The following FRRS1 variants were observed in gnomAD, a reference collection of about 807,000 sequenced individuals.
FRRS1 encodes ferric reductase 1.
Under a neutral mutation model 70.7 loss-of-function variants are expected in FRRS1, and 51 were observed. That is an observed-to-expected ratio of 0.72 (90% confidence interval 0.58 to 0.91). The LOEUF is 0.91. Among genes scored for constraint, FRRS1 ranks in the 40% least tolerant of loss-of-function variants. FRRS1 has a pLI of 0.00. For synonymous variants in FRRS1, 225 were observed against 238.7 expected, an observed-to-expected ratio of 0.94 and a Z score of 0.53; for missense variants, 672 against 726.0, an observed-to-expected ratio of 0.93 and a Z score of 0.86.
At chr1:99,713,192 C>G (rs922550125) in intron 12 of FRRS1, among the ~76,000 whole-genome samples, 2 of 152,176 alleles carry the variant, frequency 1.3e-5, no homozygotes, top group Non-Finnish European at 2.9e-5. Context: ...TACTATACCA[C>G]CCCCATTTTA....
chr1:99,724,011 A>C (rs1409991593), intron 9 of FRRS1, among the ~76,000 whole-genome samples: 1 of 152,252 alleles, frequency 6.6e-6, no homozygotes, highest in East Asian at 1.9e-4. Flanking sequence ...GCACTGGGAA[A>C]GCAAAAATCT....
intron 9 of FRRS1, among the ~76,000 whole-genome samples, chr1:99,719,997 A>T (rs1488667360): frequency 1.3e-5 from 2 of 152,218 alleles, no homozygotes; most frequent in Non-Finnish European, 2.9e-5. Context: ...TGTTAAAAAA[A>T]ATATTGAAAG....
chr1:99,727,368 A>G (rs2100934137), intron 9 of FRRS1, among the ~76,000 whole-genome samples: 2 of 152,354 alleles, frequency 1.3e-5, no homozygotes, highest in South Asian at 4.1e-4. Context: ...TGCAAACAAG[A>G]GCAAATGATT....
chr1:99,720,907 T>C (rs1654786978), intron 9 of FRRS1, among the ~76,000 whole-genome samples: 1 of 149,164 alleles, frequency 6.7e-6, no homozygotes. Context: ...TCAAGGTGCA[T>C]TTAAAGTAAC....
At chr1:99,747,050 T>C (rs1315448353) in intron 4 of FRRS1, among the ~76,000 whole-genome samples, 4 of 152,220 alleles carry the variant, frequency 2.6e-5, no homozygotes, top group Admixed American at 6.5e-5. Context: ...TTCTCTTATT[T>C]TCTTAATAAG....
intron 9 of FRRS1, 102 bp downstream of exon 9, chr1:99,728,391 C>T (rs1488272873): frequency 2.0e-6 from 2 of 984,730 alleles, no homozygotes; most frequent in East Asian, 4.9e-5. Flanking sequence ...AAAGCGTGTG[C>T]CTTAAAAACG....
chr1:99,766,270 A>C (rs1657347439), intron 1 of FRRS1, among the ~76,000 whole-genome samples: 1 of 152,092 alleles, frequency 6.6e-6, no homozygotes. Context: ...GAGTTCCTAC[A>C]GTTTTAAATT....
At chr1:99,739,775 CTG>C (rs1655862475) in intron 6 of FRRS1, among the ~76,000 whole-genome samples, 1 of 152,138 alleles carries the variant, frequency 6.6e-6, no homozygotes, top group African/African-American at 2.4e-5. Context: ...GGTGAGGAAA[CTG>C]AGACTGAAAA....
chr1:99,748,550 A>G, intron 3 of FRRS1, 23 bp downstream of exon 3: 1 of 1,575,718 alleles, frequency 6.3e-7, no homozygotes, highest in Non-Finnish European at 8.7e-7. Flanking sequence ...CCAAAATGTA[A>G]ACAGTTAATC....
intron 1 of FRRS1, among the ~76,000 whole-genome samples, chr1:99,753,863 G>A (rs1326110234): frequency 5.9e-5 from 9 of 152,060 alleles, no homozygotes; most frequent in African/African-American, 1.9e-4. Context: ...AGTGGATCAG[G>A]AAACAGACCC....
chr1:99,733,782 G>A (rs1253394536), intron 7 of FRRS1, among the ~76,000 whole-genome samples: 1 of 152,180 alleles, frequency 6.6e-6, no homozygotes, highest in Non-Finnish European at 1.5e-5. Context: ...TGATTCATAG[G>A]AGAAACATCA....
At chr1:99,743,864 T>G (rs1271219868) in intron 4 of FRRS1, among the ~76,000 whole-genome samples, 1 of 152,124 alleles carries the variant, frequency 6.6e-6, no homozygotes, top group East Asian at 1.9e-4. Context: ...TCGTGTTTTG[T>G]GCACTACTGT....
intron 1 of FRRS1, among the ~76,000 whole-genome samples, chr1:99,764,053 G>A (rs1657240299): frequency 6.6e-6 from 1 of 152,106 alleles, no homozygotes; most frequent in Admixed American, 6.5e-5. Flanking sequence ...AGAGTAAACA[G>A]ATAACAAATA....
At chr1:99,734,091 T>TATAAAAATTTATAAAA (rs1655530025) in intron 7 of FRRS1, among the ~76,000 whole-genome samples, 1 of 152,190 alleles carries the variant, frequency 6.6e-6, no homozygotes, top group South Asian at 2.1e-4. Flanking sequence ...GGCCTGAATT[T>TATAAAAATTTATAAAA]AATTTATAAA....
intron 1 of FRRS1, among the ~76,000 whole-genome samples, chr1:99,756,294 A>G (rs1656832174): frequency 6.6e-6 from 1 of 152,192 alleles, no homozygotes; most frequent in Non-Finnish European, 1.5e-5. Flanking sequence ...AAACCAAAAG[A>G]GCAGTTATCC....
At chr1:99,754,666 T>C (rs1470829232) in intron 1 of FRRS1, among the ~76,000 whole-genome samples, 1 of 152,214 alleles carries the variant, frequency 6.6e-6, no homozygotes, top group Admixed American at 6.5e-5. Flanking sequence ...ACATGGAATG[T>C]TCACCAAGAT....
chr1:99,704,025 T>C lies in FRRS1; in HGVS notation c.*5003A>G, dbSNP rs938054124. Among the ~76,000 whole-genome samples, 3 of 152,188 alleles carry C rather than the reference T, an allele frequency of 2.0e-5. No individual in the cohort carries two copies. The highest frequency in any genetic ancestry group is 7.2e-5 in the African/African-American group (3 of 41,442). ...ATGTTTTCAAGATGAATATCAAATA[T>C]TTTTTATAAAAAGTATACATTTTAC... is the stretch of plus-strand genomic sequence containing the variant. On this transcript the variant is annotated 3_prime_UTR_variant, in exon 17 of 17. Coordinates refer to ENST00000646001, the MANE Select transcript of FRRS1 (RefSeq NM_001361041.2).
chr1:99,728,292 A>AT (rs1215355738), intron 9 of FRRS1, among the ~76,000 whole-genome samples: 1 of 152,190 alleles, frequency 6.6e-6, no homozygotes, highest in African/African-American at 2.4e-5. Flanking sequence ...GTGTTGCCTT[A>AT]TAACACAAGG....
rs772842144 is a variant in FRRS1 at position 99,710,950 on chromosome 1, C to T, written c.1481-1G>A. On this transcript the variant is annotated splice_acceptor_variant, in intron 14 of 16. Coordinates refer to ENST00000646001, the MANE Select transcript of FRRS1 (RefSeq NM_001361041.2). LOFTEE classifies it high-confidence loss of function. ...TCCATTCCCAGGAACATCGCTGCCACTACATACAAAAGAAAAAAGTTACAT... is the reference window on the plus strand; with the variant it reads ...TCCATTCCCAGGAACATCGCTGCCATTACATACAAAAGAAAAAAGTTACAT... 2 of 1,611,752 alleles carry T rather than the reference C, an allele frequency of 1.2e-6. No homozygotes were observed. The highest frequency in any genetic ancestry group is 2.7e-5 in the African/African-American group (2 of 74,960).
Sources: gnomAD v4.1 joint callset for allele counts (sites outside exome capture counted in the v4.1 genomes callset) on GRCh38, gnomAD v4.1.1 for gene constraint, MANE v1.5 for transcripts, NCBI Gene and HGNC (gene_info 2026-07-23, HGNC 2026-07-21) for gene names.